Variants in GMPR observed in about 807,000 individuals in gnomAD.
The protein encoded by GMPR is guanosine monophosphate reductase.
GMPR carries 31 observed loss-of-function variants against 38.4 expected under a neutral mutation model. The ratio of observed to expected loss-of-function variants is 0.81; its 90% CI spans 0.61 to 1.09. The LOEUF (loss-of-function observed/expected upper bound fraction) is 1.09. GMPR is among the 50% of genes least tolerant of loss of function. The pLI, the probability that GMPR is intolerant of heterozygous loss-of-function variation, is 0.00. For missense variants in GMPR, 468 were observed against 453.7 expected (o/e 1.03, Z -0.29); for synonymous variants, 162 against 173.3 (o/e 0.93, Z 0.51).
In GMPR at chr6:16,246,924, C is replaced by G. The variant is rs1252172567; in HGVS notation, c.170C>G (p.Thr57Ser). 1 of 1,613,604 alleles carries G rather than the reference C, an allele frequency of 6.2e-7. No individual in the cohort carries two copies. The highest frequency in any genetic ancestry group is 2.2e-5 in the East Asian group (1 of 44,896). ...GIPIIVANMD[T>S]VGTFEMAAVM... ...CCCATCATCGTGGCCAACATGGACA[C>G]TGTGGGCACGTTTGAGATGGCAGCC... Residue 57 changes from threonine (T) to serine (S), a missense_variant, in exon 2 of 9, where the codon ACT (threonine) becomes AGT (serine). Transcript: ENST00000259727.
At chr6:16,281,142 T>C (rs1759564080) in intron 6 of GMPR, among the ~76,000 whole-genome samples, 1 of 152,166 alleles carries the variant, frequency 6.6e-6, no homozygotes, top group South Asian at 2.1e-4. Context: ...AGCAGCAGTA[T>C]CAACTGAGAA....
intron 1 of GMPR, among the ~76,000 whole-genome samples, chr6:16,243,713 C>T (rs1248542900): frequency 1.3e-5 from 2 of 152,228 alleles, no homozygotes; most frequent in African/African-American, 2.4e-5. Flanking sequence ...CGTCTGCCCC[C>T]CAAATTGCAT....
intron 4 of GMPR, among the ~76,000 whole-genome samples, chr6:16,274,163 C>T (rs1759434490): frequency 6.6e-6 from 1 of 152,066 alleles, no homozygotes; most frequent in African/African-American, 2.4e-5. Flanking sequence ...GTCTGAAAAG[C>T]CCTGACCTGG....
At chr6:16,290,677 A>C in intron 8 of GMPR, 56 bp downstream of exon 8, 2 of 1,495,728 alleles carry the variant, frequency 1.3e-6, no homozygotes, top group Non-Finnish European at 1.9e-6. Flanking sequence ...TTTCTTACGG[A>C]GATGGGATGG....
intron 5 of GMPR, among the ~76,000 whole-genome samples, chr6:16,277,366 GT>G (rs1479795757): frequency 6.6e-6 from 1 of 152,188 alleles, no homozygotes; most frequent in Non-Finnish European, 1.5e-5. Context: ...ATCCTACAAG[GT>G]GGTGCCGGCC....
At chr6:16,276,439 G>A (rs1759473618) in intron 5 of GMPR, among the ~76,000 whole-genome samples, 1 of 152,142 alleles carries the variant, frequency 6.6e-6, no homozygotes, top group East Asian at 1.9e-4. Flanking sequence ...CCAACGTGCT[G>A]GGATTCCAGG....
At position 16,295,048 on chromosome 6, in the gene GMPR, T is replaced by C. The variant is rs1287849660; in HGVS notation, c.900T>C (p.Asp300=). ...GKTVEVPYKG[D]VENTILDILG... is the part of the protein sequence containing the mutation. ...CTGTGGAAGTTCCTTACAAAGGAGA[T>C]GTGGAAAACACTATCCTGGATATTC... The change falls in exon 9 of 9, where the codon GAT becomes GAC. Residue 300 remains aspartate, a synonymous_variant. Transcript: ENST00000259727. 6 of 1,609,194 alleles carry C rather than the reference T, an allele frequency of 3.7e-6. No homozygotes were observed. Among genetic ancestry groups the C allele is most frequent in the Non-Finnish European group, 5.1e-6 (6 of 1,178,160 alleles).
chr6:16,269,949 ATCTC>A (rs1453843719), intron 4 of GMPR, among the ~76,000 whole-genome samples: 2 of 151,832 alleles, frequency 1.3e-5, no homozygotes, highest in African/African-American at 4.8e-5. Context: ...CCTCATGTGG[ATCTC>A]TCTCAGTCCT....
chr6:16,238,641 G>T lies in GMPR; in HGVS notation c.-53G>T. On this transcript the variant is annotated 5_prime_UTR_variant, in exon 1 of 9. Coordinates refer to ENST00000259727, the MANE Select transcript of GMPR (RefSeq NM_006877.4). ...CCCGGCGCTCCCCGCGCCGCCCCGC[G>T]CAGGCGCCCCCGCCCCGCCGTCGCC... is the stretch of plus-strand genomic sequence containing the variant. 1.3e-6 allele frequency: 1 copy of T among 797,996 alleles called. No individual in the cohort carries two copies. Among genetic ancestry groups the T allele is most frequent in the South Asian group, 4.6e-5 (1 of 21,844 alleles). 49.4% of individuals were successfully genotyped at this position (797,996 alleles called of 1,614,324 possible).
intron 4 of GMPR, among the ~76,000 whole-genome samples, chr6:16,268,784 A>G (rs1759321752): frequency 6.6e-6 from 1 of 152,126 alleles, no homozygotes; most frequent in South Asian, 2.1e-4. Flanking sequence ...AGTTCCAGAG[A>G]TGGATAATGG....
intron 1 of GMPR, among the ~76,000 whole-genome samples, chr6:16,241,712 CT>C (rs1172524323): frequency 6.6e-6 from 1 of 152,202 alleles, no homozygotes; most frequent in Non-Finnish European, 1.5e-5. Flanking sequence ...TAACATTCTA[CT>C]CTAGTCCTTA....
intron 7 of GMPR, among the ~76,000 whole-genome samples, chr6:16,288,647 G>C (rs1388245131): frequency 4.6e-5 from 7 of 152,252 alleles, no homozygotes; most frequent in African/African-American, 1.4e-4. Context: ...TGCAGGCGCA[G>C]GGCGTGGGAC....
At position 16,295,214 on chromosome 6, in the gene GMPR, G is replaced by C; in HGVS notation, c.*28G>C. The C allele has an allele frequency of 1.4e-6, 2 of 1,471,754 alleles. No homozygotes were observed. Among genetic ancestry groups the C allele is most frequent in the Admixed American group, 2.6e-5 (1 of 38,840 alleles). The allele number at this position is 1,471,754 out of a possible 1,614,324, so 91.2% of individuals were successfully genotyped here. On this transcript the variant is annotated 3_prime_UTR_variant, in exon 9 of 9. Transcript: ENST00000259727. ...CTGGGGACAAAGCAGCGTCTGGCTC[G>C]AGTGGAAGCGTCCAAACCTGCTTTT...
rs749927150 is a variant in GMPR, at chr6:16,274,424, G to A, written c.475G>A (p.Val159Met). 7.5e-6 allele frequency: 12 copies of A among 1,597,002 alleles called. No individual in the cohort carries two copies. The highest frequency in any genetic ancestry group is 1.7e-5 in the Admixed American group (1 of 59,996). The change falls in exon 5 of 9, where the codon GTG becomes ATG. Residue 159 changes from valine to methionine, a missense_variant. Physicochemically the swap from Val to Met is conservative, Grantham distance 21. Transcript: ENST00000259727. ...FPEHTIMAGN[V>M]VTGEMVEELI... is the part of the protein sequence containing the mutation. ...ATTCTTTCTGTCTCAGGCAGGGAAC[G>A]TGGTGACAGGAGAAATGGTAGAAGA...
Position 16,271,013 on chromosome 6 carries a change from C to CT in GMPR, c.466-3402_466-3401insT, listed in dbSNP as rs1192422244. On this transcript the variant is annotated intron_variant, in intron 4 of 8. Transcript: ENST00000259727. ...ACCAGCCTGGGCAACATAGCAAGGC[C>CT]CTATCTCTGCTTTAAAAATAATTAA... 1.3e-3 allele frequency among the ~76,000 whole-genome samples: 198 copies of CT among 150,434 alleles called. 1 individual carries two copies. Among genetic ancestry groups the CT allele is most frequent in the Non-Finnish European group, 2.3e-3 (154 of 67,672 alleles).
Position 16,267,985 on chromosome 6 carries a change from G to A in GMPR, c.466-6430G>A, listed in dbSNP as rs138310540. Among the ~76,000 whole-genome samples, 243 of 152,280 alleles carry A rather than the reference G, an allele frequency of 1.6e-3. 5 individuals are homozygous for A. Among genetic ancestry groups the A allele is most frequent in the Admixed American group, 0.014 (221 of 15,292 alleles). ...GGTTCTGAGCCACACAGATGTTTCC[G>A]CTGTACGCCTCTTCACAGAGAGGCG... is the stretch of plus-strand genomic sequence containing the variant. On this transcript the variant is annotated intron_variant, in intron 4 of 8. Coordinates refer to ENST00000259727, the MANE Select transcript of GMPR (RefSeq NM_006877.4).
rs747618542 is a variant in GMPR, at chr6:16,290,584, G to A, written c.820G>A (p.Ala274Thr). ...KLFYGMSSDT[A>T]MNKHAGGVAE... ...CTTCTACGGGATGAGCTCTGACACC[G>A]CCATGAACAAGCACGCAGGAGGAGT... is the stretch of plus-strand genomic sequence containing the variant. Residue 274 changes from alanine (A) to threonine (T), a missense_variant, in exon 8 of 9, where the codon GCC (alanine) becomes ACC (threonine). By Grantham distance (58) the Ala-to-Thr change is moderately conservative. Coordinates refer to ENST00000259727, the MANE Select transcript of GMPR (RefSeq NM_006877.4). 27 of 1,614,022 alleles carry A rather than the reference G, an allele frequency of 1.7e-5. No individual in the cohort carries two copies. Among genetic ancestry groups the A allele is most frequent in the East Asian group, 2.2e-5 (1 of 44,896 alleles).
At chr6:16,285,030 A>C (rs1341840998) in intron 6 of GMPR, among the ~76,000 whole-genome samples, 3 of 121,940 alleles carry the variant, frequency 2.5e-5, no homozygotes, top group African/African-American at 1.1e-4. Context: ...AAAAAAAAAA[A>C]AACAAAAAAA....
chr6:16,290,703 G>A, intron 8 of GMPR, 82 bp downstream of exon 8: 1 of 1,183,512 alleles, frequency 8.4e-7, no homozygotes, highest in Non-Finnish European at 1.2e-6. Flanking sequence ...GGTCTGAATA[G>A]CAGCTCTGTG....
Sources: gnomAD v4.1 joint callset for allele counts (sites outside exome capture counted in the v4.1 genomes callset) on GRCh38, gnomAD v4.1.1 for gene constraint, MANE v1.5 for transcripts, NCBI Gene and HGNC (gene_info 2026-07-23, HGNC 2026-07-21) for gene names.